DCP1A: variants seen among roughly 807,000 people sequenced by gnomAD.
The protein encoded by DCP1A is decapping mRNA 1A, also known as mRNA-decapping enzyme 1A.
A neutral mutation model predicts 58.0 loss-of-function variants in DCP1A; 20 were observed. The ratio of observed to expected loss-of-function variants is 0.34; its 90% CI spans 0.24 to 0.50. DCP1A has a LOEUF of 0.50. DCP1A is among the 20% of genes least tolerant of loss of function. The pLI is 0.98. For synonymous variants in DCP1A, 285 were observed against 275.1 expected, an observed-to-expected ratio of 1.04 and a Z score of -0.36; for missense variants, 613 against 712.2, an observed-to-expected ratio of 0.86 and a Z score of 1.59.
chr3:53,322,598 G>A (rs1036391488), intron 3 of DCP1A, among the ~76,000 whole-genome samples: 4 of 151,966 alleles, frequency 2.6e-5, no homozygotes, highest in East Asian at 3.9e-4. Flanking sequence ...AATGAATGAA[G>A]ATCATGAACA....
At chr3:53,330,409 A>C (rs949930251) in intron 3 of DCP1A, among the ~76,000 whole-genome samples, 2 of 151,946 alleles carry the variant, frequency 1.3e-5, no homozygotes, top group African/African-American at 4.8e-5. Flanking sequence ...AAAAGAAAAA[A>C]ATTTAGCTGG....
Position 53,284,526 on chromosome 3 carries a change from C to CTTTTTTTT in DCP1A, c.*3046_*3053dup, listed in dbSNP as rs34308634. 15 of 59,854 alleles carry CTTTTTTTT rather than the reference C, an allele frequency of 2.5e-4. 2 individuals carry two copies. Among genetic ancestry groups the CTTTTTTTT allele is most frequent in the African/African-American group, 9.7e-4 (15 of 15,474 alleles). The allele number at this position is 59,854 out of a possible 1,614,324, so 3.7% of individuals were successfully genotyped here. On this transcript the variant is annotated 3_prime_UTR_variant, in exon 10 of 10. Transcript: ENST00000610213. ...CCCTGTAGAGAGGGGCCCAGCGTGA[C>CTTTTTTTT]TTTTTTTTTTTTTTTTTTTTTTTTT...
chr3:53,299,314 T>C (rs1707236238), intron 6 of DCP1A, among the ~76,000 whole-genome samples: 1 of 152,222 alleles, frequency 6.6e-6, no homozygotes, highest in Non-Finnish European at 1.5e-5. Flanking sequence ...AAAGGTAAAA[T>C]GTTATTCTTT....
intron 6 of DCP1A, 64 bp downstream of exon 6, chr3:53,304,113 A>C: frequency 2.4e-6 from 3 of 1,258,172 alleles, no homozygotes; most frequent in Non-Finnish European, 3.4e-6. Flanking sequence ...TGCACTCATT[A>C]GAATCCTTAC....
rs970260034 is a variant in DCP1A at position 53,285,204 on chromosome 3, T to A, written c.*2376A>T. ...CGAAATCTAGCCAGAAGCATCTCCA[T>A]CTCGGTGTCCATTTCGATCCAACTA... On this transcript the variant is annotated 3_prime_UTR_variant, in exon 10 of 10. Transcript: ENST00000610213. The A allele has an allele frequency of 6.6e-6, 1 of 152,062 alleles. No homozygotes were observed. The highest frequency in any genetic ancestry group is 2.4e-5 in the African/African-American group (1 of 41,386). 9.4% of individuals were successfully genotyped at this position (152,062 alleles called of 1,614,324 possible).
chr3:53,342,093 A>G (rs2089215674), intron 3 of DCP1A, 51 bp downstream of exon 3: 2 of 1,470,466 alleles, frequency 1.4e-6, no homozygotes, highest in Non-Finnish European at 1.9e-6. Context: ...GATAGAAACT[A>G]AAGTCACTCA....
intron 4 of DCP1A, 25 bp downstream of exon 4, chr3:53,319,378 CAGTT>C: frequency 7.4e-7 from 1 of 1,352,796 alleles, no homozygotes; most frequent in East Asian, 2.5e-5. Context: ...CACATATCAT[CAGTT>C]AAATTTATGG....
rs12496915 is a variant in DCP1A, at chr3:53,289,701, A to C, written c.1449+1090T>G. Among the ~76,000 whole-genome samples the C allele has an allele frequency of 0.013, 2,031 of 152,282 alleles. 117 individuals are homozygous for C. In the South Asian group the frequency reaches 0.14, roughly 11 times the overall value. ...GAAAATTTCTTAAAATAAAGCTAAC[A>C]TCTACCTCTCTCCTCCATTTAGATG... On this transcript the variant is annotated intron_variant, in intron 8 of 9. Transcript: ENST00000610213.
chr3:53,288,386 G>A lies in DCP1A; in HGVS notation c.1450-103C>T, dbSNP rs142446763. 5.7e-4 allele frequency: 465 copies of A among 815,866 alleles called. 3 individuals carry two copies. In the East Asian group the frequency reaches 0.012, roughly 22 times the overall value. The allele number at this position is 815,866 out of a possible 1,614,324, so 50.5% of individuals were successfully genotyped here. ...CAGGCATAAGCAGCAGAAGAGTGGA[G>A]CACAGAGACAGACTATTTTGAGTTC... On this transcript the variant is annotated intron_variant, in intron 8 of 9. Coordinates refer to ENST00000610213, the MANE Select transcript of DCP1A (RefSeq NM_018403.7).
intron 7 of DCP1A, among the ~76,000 whole-genome samples, chr3:53,291,801 C>T (rs1354914120): frequency 1.3e-5 from 2 of 152,094 alleles, no homozygotes; most frequent in Non-Finnish European, 2.9e-5. Flanking sequence ...ATTTGGTCCT[C>T]AGTCAAATGA....
At chr3:53,295,912 AG>A (rs1324082500) in intron 6 of DCP1A, among the ~76,000 whole-genome samples, 2 of 133,740 alleles carry the variant, frequency 1.5e-5, no homozygotes, top group Non-Finnish European at 3.2e-5. Context: ...TTTTTTTTTG[AG>A]ACACAGTCTA....
At chr3:53,295,399 A>G (rs1553686660) in intron 6 of DCP1A, among the ~76,000 whole-genome samples, 1 of 152,226 alleles carries the variant, frequency 6.6e-6, no homozygotes, top group East Asian at 1.9e-4. Context: ...CAGCATCAGT[A>G]TCTAATTTTA....
chr3:53,297,237 T>G (rs1270453678), intron 6 of DCP1A, among the ~76,000 whole-genome samples: 1 of 152,236 alleles, frequency 6.6e-6, no homozygotes, highest in Non-Finnish European at 1.5e-5. Context: ...TGGAGATTCC[T>G]ATTAAAATCT....
At chr3:53,327,261 T>A (rs1708136534) in intron 3 of DCP1A, among the ~76,000 whole-genome samples, 2 of 152,170 alleles carry the variant, frequency 1.3e-5, no homozygotes, top group African/African-American at 4.8e-5. Flanking sequence ...AGCAGGGTTG[T>A]AAGCACAAAT....
At chr3:53,342,525 C>A (rs1417458470) in intron 2 of DCP1A, among the ~76,000 whole-genome samples, 2 of 152,188 alleles carry the variant, frequency 1.3e-5, no homozygotes, top group Non-Finnish European at 2.9e-5. Flanking sequence ...CTGATATACT[C>A]CCCACTCTGA....
rs1355945157 is a variant in DCP1A at position 53,284,331 on chromosome 3, T to C, written c.*3249A>G. 3 of 152,164 alleles carry C rather than the reference T, an allele frequency of 2.0e-5. No homozygotes were observed. Among genetic ancestry groups the C allele is most frequent in the Non-Finnish European group, 4.4e-5 (3 of 68,038 alleles). The allele number at this position is 152,164 out of a possible 1,614,324, so 9.4% of individuals were successfully genotyped here. A position where few individuals can be genotyped will look rare whatever the true frequency, so the allele number is the denominator to read the frequency against. On this transcript the variant is annotated 3_prime_UTR_variant, in exon 10 of 10. Transcript: ENST00000610213. ...CTATGGAAATGAGAAAATTTCAAAC[T>C]ACATTCTTTGGGGGAGGAGAGTAAT...
intron 6 of DCP1A, among the ~76,000 whole-genome samples, chr3:53,303,537 G>A (rs574208382): frequency 1.3e-5 from 2 of 151,918 alleles, no homozygotes; most frequent in Non-Finnish European, 2.9e-5. Flanking sequence ...AAGTGCTGGC[G>A]TTATAGGTGT....
chr3:53,310,713 A>T (rs2106832610), intron 5 of DCP1A, among the ~76,000 whole-genome samples: 1 of 152,316 alleles, frequency 6.6e-6, no homozygotes, highest in Non-Finnish European at 1.5e-5. Context: ...TGCTCCTCCA[A>T]ATTTAACTTC....
chr3:53,303,212 A>G (rs1707365291), intron 6 of DCP1A, among the ~76,000 whole-genome samples: 1 of 152,074 alleles, frequency 6.6e-6, no homozygotes, highest in African/African-American at 2.4e-5. Context: ...TGGCCTCCCA[A>G]AGAGCTGAGA....
Sources: allele counts gnomAD v4.1 joint callset (sites outside exome capture counted in the v4.1 genomes callset), GRCh38; gene constraint gnomAD v4.1.1; transcripts MANE v1.5; gene names NCBI Gene and HGNC (gene_info 2026-07-23, HGNC 2026-07-21).